The following MAML3 variants were observed in gnomAD, a reference collection of about 807,000 sequenced individuals.
The protein encoded by MAML3 is mastermind like transcriptional coactivator 3.
Under a neutral mutation model 101.9 loss-of-function variants are expected in MAML3, and 27 were observed. The ratio of observed to expected loss-of-function variants is 0.27; its 90% CI spans 0.20 to 0.37. The LOEUF (loss-of-function observed/expected upper bound fraction) is 0.37. MAML3 is among the 10% of genes least tolerant of loss of function. The pLI is 1.00. For synonymous variants in MAML3, 501 were observed against 555.9 expected, an observed-to-expected ratio of 0.90 and a Z score of 1.39; for missense variants, 1,316 against 1,444.9, an observed-to-expected ratio of 0.91 and a Z score of 1.45.
chr4:139,876,393 G>T (rs1732115235), intron 2 of MAML3, among the ~76,000 whole-genome samples: 1 of 152,314 alleles, frequency 6.6e-6, no homozygotes, highest in East Asian at 1.9e-4. Context: ...GATGCAAGGG[G>T]CAAGTGTGTT....
intron 1 of MAML3, among the ~76,000 whole-genome samples, chr4:140,108,302 T>A (rs1163033312): frequency 6.6e-6 from 1 of 151,962 alleles, no homozygotes; most frequent in Non-Finnish European, 1.5e-5. Context: ...GAGCAGGCTG[T>A]CCCCTGCTTC....
chr4:140,133,981 T>G, intron 1 of MAML3: 1 of 366,932 alleles, frequency 2.7e-6, no homozygotes, highest in South Asian at 2.0e-5. Context: ...CCTCACCATT[T>G]TCCTCTTTCT....
At chr4:139,875,090 A>G (rs1732085784) in intron 2 of MAML3, among the ~76,000 whole-genome samples, 1 of 152,180 alleles carries the variant, frequency 6.6e-6, no homozygotes, top group Non-Finnish European at 1.5e-5. Flanking sequence ...GGCGTGAGCC[A>G]TCATGCCCAG....
chr4:139,818,192 C>T (rs1466915863), intron 2 of MAML3, among the ~76,000 whole-genome samples: 2 of 152,174 alleles, frequency 1.3e-5, no homozygotes, highest in African/African-American at 4.8e-5. Context: ...ATTGGTTTTC[C>T]GGATCTCTGA....
Position 140,118,328 on chromosome 4 carries a change from GTA to G in MAML3, c.468+34530_468+34531del, listed in dbSNP as rs368236253. 3.4e-3 allele frequency among the ~76,000 whole-genome samples: 513 copies of G among 151,544 alleles called. 5 individuals are homozygous for G. Among genetic ancestry groups the G allele is most frequent in the African/African-American group, 0.012 (480 of 41,348 alleles). On this transcript the variant is annotated intron_variant, in intron 1 of 4. Coordinates refer to ENST00000509479, the MANE Select transcript of MAML3 (RefSeq NM_018717.5). ...TCTCTGCGCCTCAGTTTCTTCATCTGTATATATATATACACCTATCTCATTAG... is the reference window on the plus strand; with the variant it reads ...TCTCTGCGCCTCAGTTTCTTCATCTGTATATATATACACCTATCTCATTAG...
rs754885476 is a variant in MAML3, at chr4:139,720,230, C to T, written c.2510G>A (p.Gly837Glu). ...CCCAGGGTTCTGGGAGGGTCCTATT[C>T]CCATCATGCCTGCGTTCTGTGCCAT... ...RLMAQNAGMM[G>E]IGPSQNPGTM... Residue 837 changes from glycine (G) to glutamate (E), a missense_variant, in exon 5 of 5, where the codon GGA becomes GAA. By Grantham distance (98) the Gly-to-Glu change is moderately conservative. Coordinates refer to ENST00000509479, the MANE Select transcript of MAML3 (RefSeq NM_018717.5). 6.2e-7 allele frequency: 1 copy of T among 1,611,328 alleles called. No individual in the cohort carries two copies. Among genetic ancestry groups the T allele is most frequent in the Non-Finnish European group, 8.5e-7 (1 of 1,178,038 alleles).
chr4:140,060,887 T>C (rs1727436455), intron 1 of MAML3, among the ~76,000 whole-genome samples: 1 of 152,198 alleles, frequency 6.6e-6, no homozygotes, highest in Admixed American at 6.5e-5. Context: ...ACATATGCCA[T>C]TGGATTTCAG....
chr4:139,979,383 C>A (rs1392758054), intron 1 of MAML3, among the ~76,000 whole-genome samples: 1 of 152,136 alleles, frequency 6.6e-6, no homozygotes, highest in Non-Finnish European at 1.5e-5. Flanking sequence ...TCCAACCACC[C>A]CTCCATAGAC....
At chr4:139,894,428 T>C (rs976656268) in intron 1 of MAML3, among the ~76,000 whole-genome samples, 2 of 151,788 alleles carry the variant, frequency 1.3e-5, no homozygotes, top group Admixed American at 6.6e-5. Flanking sequence ...GAGAATCACT[T>C]GAACCTGGGA....
chr4:140,135,747 T>C (rs889802864), intron 1 of MAML3, among the ~76,000 whole-genome samples: 1 of 152,250 alleles, frequency 6.6e-6, no homozygotes, highest in Non-Finnish European at 1.5e-5. Context: ...CTCCACAATA[T>C]TGTCCTGCTG....
At chr4:140,008,097 C>A (rs1054453002) in intron 1 of MAML3, among the ~76,000 whole-genome samples, 6 of 152,236 alleles carry the variant, frequency 3.9e-5, no homozygotes, top group Non-Finnish European at 5.9e-5. Context: ...GTAATCCCAG[C>A]ACTTTGGGAG....
At chr4:139,856,089 AC>A (rs1731656803) in intron 2 of MAML3, among the ~76,000 whole-genome samples, 1 of 152,142 alleles carries the variant, frequency 6.6e-6, no homozygotes, top group African/African-American at 2.4e-5. Context: ...TCCACAAGAG[AC>A]TAAAAGCTCC....
chr4:140,037,232 C>G (rs1278771903), intron 1 of MAML3, among the ~76,000 whole-genome samples: 2 of 128,786 alleles, frequency 1.6e-5, no homozygotes. Context: ...GACTTCTGAC[C>G]CTCTGCTTGA....
chr4:140,055,873 G>T (rs1727341172), intron 1 of MAML3, among the ~76,000 whole-genome samples: 1 of 151,868 alleles, frequency 6.6e-6, no homozygotes, highest in Non-Finnish European at 1.5e-5. Flanking sequence ...AAAAAAAAAG[G>T]TAAGAAATAC....
At chr4:140,037,767 G>A (rs1019721072) in intron 1 of MAML3, among the ~76,000 whole-genome samples, 4 of 152,144 alleles carry the variant, frequency 2.6e-5, no homozygotes, top group Non-Finnish European at 2.9e-5. Context: ...GTATTTCAAC[G>A]CATGTTAAAC....
intron 1 of MAML3, among the ~76,000 whole-genome samples, chr4:139,997,719 A>G (rs1230003991): frequency 6.6e-6 from 1 of 151,778 alleles, no homozygotes; most frequent in African/African-American, 2.4e-5. Flanking sequence ...ATTTATTGTA[A>G]GAAAGGCATG....
At chr4:139,866,840 T>C (rs550472080) in intron 2 of MAML3, among the ~76,000 whole-genome samples, 3 of 152,284 alleles carry the variant, frequency 2.0e-5, no homozygotes, top group African/African-American at 7.2e-5. Context: ...CACACAAGCA[T>C]ACACAATTTA....
chr4:140,070,998 G>A (rs1243412215), intron 1 of MAML3, among the ~76,000 whole-genome samples: 1 of 152,188 alleles, frequency 6.6e-6, no homozygotes, highest in Non-Finnish European at 1.5e-5. Context: ...ACTTCCCACA[G>A]CAGATAATAA....
intron 2 of MAML3, among the ~76,000 whole-genome samples, chr4:139,810,896 T>A (rs1229628976): frequency 6.6e-6 from 1 of 151,896 alleles, no homozygotes; most frequent in Non-Finnish European, 1.5e-5. Context: ...TTCCAGCCAA[T>A]GAGATGTCTA....
Sources: allele counts gnomAD v4.1 joint callset (sites outside exome capture counted in the v4.1 genomes callset), GRCh38; gene constraint gnomAD v4.1.1; transcripts MANE v1.5; gene names NCBI Gene and HGNC (gene_info 2026-07-23, HGNC 2026-07-21).